The following TENM1 variants were observed in gnomAD, a reference collection of about 807,000 sequenced individuals.
The protein encoded by TENM1 is teneurin transmembrane protein 1.
TENM1 carries 35 observed loss-of-function variants against 174.8 expected under a neutral mutation model. That is an observed-to-expected ratio of 0.20 (90% confidence interval 0.15 to 0.27). The LOEUF is 0.27. Among genes scored for constraint, TENM1 ranks in the 10% least tolerant of loss-of-function variants. The pLI is 1.00. For synonymous variants in TENM1, 781 were observed against 798.7 expected (o/e 0.98, Z 0.37); for missense variants, 1,633 against 2,130.1 (o/e 0.77, Z 4.59).
intron 3 of TENM1, among the ~76,000 whole-genome samples, chrX:124,858,724 A>G (rs1291828771): frequency 9.0e-6 from 1 of 111,643 alleles, no homozygotes; most frequent in African/African-American, 3.3e-5. Flanking sequence ...ATGTTTAATA[A>G]CCTAAAAGGT....
chrX:125,069,026 T>G, the TENM1 span, among the ~76,000 whole-genome samples: 1 of 111,564 alleles, frequency 9.0e-6, no homozygotes, highest in Admixed American at 9.5e-5. Context: ...TTTGTTTGTT[T>G]TAGATGCAGG....
At chrX:124,499,528 A>G (rs1000129459) in intron 19 of TENM1, among the ~76,000 whole-genome samples, 5 of 112,070 alleles carry the variant, frequency 4.5e-5, no homozygotes, top group African/African-American at 6.5e-5. Context: ...TTGCAGAACT[A>G]TGAGATATCT....
At chrX:124,587,773 T>G (rs1035325718) in intron 11 of TENM1, among the ~76,000 whole-genome samples, 1 of 109,886 alleles carries the variant, frequency 9.1e-6, no homozygotes, top group African/African-American at 3.3e-5. Flanking sequence ...TGGGAGAAAA[T>G]TTTCACAACC....
intron 3 of TENM1, among the ~76,000 whole-genome samples, chrX:124,758,833 G>A (rs188072395): frequency 6.5e-4 from 73 of 111,764 alleles, no homozygotes; most frequent in Middle Eastern, 4.6e-3. Flanking sequence ...ATCTAAAATA[G>A]TCAAACTCTT....
chrX:124,652,270 T>G, intron 7 of TENM1, 146 bp from the exon 11 acceptor site: 2 of 756,233 alleles, frequency 2.6e-6, no homozygotes, highest in East Asian at 7.2e-5. Context: ...TAAGTATATT[T>G]AGACTTGGCC....
intron 3 of TENM1, among the ~76,000 whole-genome samples, chrX:124,797,091 T>A (rs1178559367): frequency 6.3e-5 from 7 of 111,650 alleles, no homozygotes; most frequent in Admixed American, 5.7e-4. Flanking sequence ...CTGAAATGGA[T>A]TAGATTTGTA....
intron 3 of TENM1, among the ~76,000 whole-genome samples, chrX:124,838,973 G>A (rs747569298): frequency 1.8e-5 from 2 of 111,230 alleles, no homozygotes; most frequent in South Asian, 7.6e-4. Flanking sequence ...ACTCCCATTT[G>A]TGTTTATCAG....
At chrX:125,116,761 C>G in the TENM1 span, among the ~76,000 whole-genome samples, 1,035 of 112,117 alleles carry the variant, frequency 9.2e-3, 8 homozygotes, top group Admixed American at 0.015. Context: ...CCTGTAATCC[C>G]AGCACTCTGG....
At chrX:124,811,516 G>A (rs1462184725) in intron 3 of TENM1, among the ~76,000 whole-genome samples, 4 of 111,493 alleles carry the variant, frequency 3.6e-5, no homozygotes, top group East Asian at 2.8e-4. Context: ...AAAAGATAAC[G>A]AGTGTTGGCA....
At chrX:124,867,852 C>T (rs1275662867) in intron 3 of TENM1, among the ~76,000 whole-genome samples, 1 of 111,733 alleles carries the variant, frequency 8.9e-6, no homozygotes, top group African/African-American at 3.3e-5. Flanking sequence ...GTGAACATTC[C>T]TAAATAGAAA....
intron 3 of TENM1, among the ~76,000 whole-genome samples, chrX:124,876,507 C>T (rs954140542): frequency 1.3e-4 from 15 of 111,374 alleles, no homozygotes; most frequent in African/African-American, 4.9e-4. Flanking sequence ...TTATTTCGTA[C>T]TTTCCTTTTT....
At chrX:124,676,042 C>T (rs1181678157) in intron 5 of TENM1, among the ~76,000 whole-genome samples, 1 of 105,646 alleles carries the variant, frequency 9.5e-6, no homozygotes, top group Non-Finnish European at 2.0e-5. Context: ...AACACTCATA[C>T]ACATAAGTCC....
intron 4 of TENM1, among the ~76,000 whole-genome samples, chrX:124,736,613 AGGGACAATT>A (rs1363838715): frequency 1.8e-5 from 2 of 112,134 alleles, no homozygotes; most frequent in Non-Finnish European, 3.8e-5. Flanking sequence ...TTTTAAAACA[AGGGACAATT>A]GCCTTTCACT....
intron 3 of TENM1, among the ~76,000 whole-genome samples, chrX:124,745,106 C>T (rs1204966657): frequency 8.9e-6 from 1 of 111,906 alleles, no homozygotes. Context: ...AAAGGTTTCA[C>T]CCTTGTCCAA....
chrX:125,053,727 G>A, the TENM1 span, among the ~76,000 whole-genome samples: 1 of 111,593 alleles, frequency 9.0e-6, no homozygotes, highest in African/African-American at 3.3e-5. Context: ...TGTGCTGAGC[G>A]GGGTTCTAAG....
the TENM1 span, among the ~76,000 whole-genome samples, chrX:125,053,057 A>G: frequency 6.7e-3 from 749 of 112,201 alleles, 12 homozygotes; most frequent in African/African-American, 0.023. Context: ...TTAAGATAGT[A>G]TGTTGACATG....
intron 11 of TENM1, among the ~76,000 whole-genome samples, chrX:124,619,489 T>C (rs766992064): frequency 2.7e-5 from 3 of 112,321 alleles, no homozygotes; most frequent in African/African-American, 9.7e-5. Flanking sequence ...TACAAATGGA[T>C]ATTTAGATTG....
intron 30 of TENM1, among the ~76,000 whole-genome samples, chrX:124,383,292 C>T (rs1416156842): frequency 9.0e-6 from 1 of 111,363 alleles, no homozygotes; most frequent in East Asian, 2.8e-4. Context: ...GATCCTCTCT[C>T]TACAGGGTAG....
At chrX:125,032,854 T>C in the TENM1 span, among the ~76,000 whole-genome samples, 1 of 111,769 alleles carries the variant, frequency 8.9e-6, no homozygotes, top group Non-Finnish European at 1.9e-5. Context: ...GATTCTTGCA[T>C]GTGATTTTTG....
Sources: gnomAD v4.1 joint callset for allele counts (sites outside exome capture counted in the v4.1 genomes callset) on GRCh38, gnomAD v4.1.1 for gene constraint, MANE v1.5 for transcripts, NCBI Gene and HGNC (gene_info 2026-07-23, HGNC 2026-07-21) for gene names.